Variants in MYRF observed in about 807,000 individuals in gnomAD.
MYRF encodes the protein myelin regulatory factor, also known as myelin gene regulatory factor.
MYRF carries 16 observed loss-of-function variants against 126.3 expected under a neutral mutation model. That is an observed-to-expected ratio of 0.13 (90% confidence interval 0.09 to 0.19). The LOEUF is 0.19. Ranked by LOEUF, MYRF falls within the 10% of genes least tolerant of loss-of-function variation. The pLI is 1.00. For missense variants in MYRF, 1,104 were observed against 1,547.0 expected (o/e 0.71, Z 4.80); for synonymous variants, 608 against 635.3 (o/e 0.96, Z 0.65).
intron 25 of MYRF, 167 bp from the exon 26 acceptor site, chr11:61,785,633 C>A: frequency 1.6e-6 from 1 of 634,346 alleles, no homozygotes; most frequent in Non-Finnish European, 2.9e-6. Context: ...GCTGCCATTG[C>A]TCCTTCTGCC....
chr11:61,763,331 G>T (rs1239017078), intron 1 of MYRF, among the ~76,000 whole-genome samples: 1 of 152,190 alleles, frequency 6.6e-6, no homozygotes, highest in East Asian at 1.9e-4. Context: ...TTTAGAGAGG[G>T]AAAATGCATA....
chr11:61,773,935 C>T (rs145781111), intron 7 of MYRF, 32 bp from the exon 8 acceptor site: 2 of 1,574,834 alleles, frequency 1.3e-6, no homozygotes, highest in South Asian at 2.2e-5. Flanking sequence ...GGCTCTGGGG[C>T]CTCAGGGGAG....
intron 1 of MYRF, among the ~76,000 whole-genome samples, chr11:61,759,539 AG>A (rs1323264485): frequency 6.6e-6 from 1 of 152,136 alleles, no homozygotes; most frequent in Non-Finnish European, 1.5e-5. Flanking sequence ...GCGTGGTGGC[AG>A]GCGCCTGTAG....
intron 3 of MYRF, 146 bp downstream of exon 3, chr11:61,766,367 G>C (rs1221352123): frequency 1.2e-6 from 1 of 868,040 alleles, no homozygotes; most frequent in Non-Finnish European, 1.7e-6. Context: ...TGAGGGAAGG[G>C]AGGATGAGTC....
chr11:61,771,370 GAA>G, intron 5 of MYRF, 128 bp from the exon 6 acceptor site: 1 of 1,277,180 alleles, frequency 7.8e-7, no homozygotes, highest in South Asian at 1.5e-5. Flanking sequence ...AGGGCTTCCT[GAA>G]GGAGGTGTCC....
chr11:61,769,860 C>T (rs1446710710), intron 4 of MYRF, among the ~76,000 whole-genome samples: 1 of 152,158 alleles, frequency 6.6e-6, no homozygotes, highest in African/African-American at 2.4e-5. Context: ...GAGGGACTGC[C>T]TGCCGGAGAG....
rs1158475625 is a variant in MYRF, at chr11:61,786,319, C to T, written c.*176C>T. 4 of 659,496 alleles carry T rather than the reference C, an allele frequency of 6.1e-6. No individual in the cohort carries two copies. The highest frequency in any genetic ancestry group is 1.8e-5 in the African/African-American group (1 of 55,416). The allele number at this position is 659,496 out of a possible 1,614,324, so 40.9% of individuals were successfully genotyped here. A position where few individuals can be genotyped will look rare whatever the true frequency, so the allele number is the denominator to read the frequency against. ...CACTGGAGTTGCTGTTCCAGCTGGT[C>T]GCCCCTCACGGCACAGAGGGAACCT... On this transcript the variant is annotated 3_prime_UTR_variant, in exon 27 of 27. Transcript: ENST00000278836. The surrounding 1 kb of genome is among the most constrained non-coding windows in gnomAD (Gnocchi z 4.5).
At position 61,787,821 on chromosome 11, in the gene MYRF, T is replaced by C. The variant is rs1005663178; in HGVS notation, c.*1678T>C. The C allele has an allele frequency of 1.3e-5, 2 of 152,684 alleles. No individual in the cohort carries two copies. Among genetic ancestry groups the C allele is most frequent in the Non-Finnish European group, 2.9e-5 (2 of 68,054 alleles). The allele number at this position is 152,684 out of a possible 1,614,324, so 9.5% of individuals were successfully genotyped here. On this transcript the variant is annotated 3_prime_UTR_variant, in exon 27 of 27. Transcript: ENST00000278836. ...AACTGCCGAGCCCCACTCCATGTAA[T>C]AGGATTCCTGGGCTTCCTCAATGGG...
At chr11:61,772,355 G>C (rs943959889) in intron 7 of MYRF, among the ~76,000 whole-genome samples, 13 of 152,176 alleles carry the variant, frequency 8.5e-5, no homozygotes, top group Non-Finnish European at 1.6e-4. Flanking sequence ...GAGGCTGCCT[G>C]AGCATTCCTA....
At chr11:61,782,834 T>C (rs2066588884) in intron 22 of MYRF, 1 of 152,392 alleles carries the variant, frequency 6.6e-6, no homozygotes, top group Non-Finnish European at 1.5e-5. Context: ...GTTGGGGTCC[T>C]TGGGTCCCTG....
chr11:61,767,505 G>A (rs2066097919), intron 3 of MYRF: 3 of 449,898 alleles, frequency 6.7e-6, no homozygotes, highest in South Asian at 4.7e-5. Flanking sequence ...GGGACCCAGG[G>A]CCAGACCTGA....
At chr11:61,759,348 G>A (rs1223223719) in intron 1 of MYRF, among the ~76,000 whole-genome samples, 1 of 152,232 alleles carries the variant, frequency 6.6e-6, no homozygotes, top group Non-Finnish European at 1.5e-5. Flanking sequence ...TAGCCCAAGG[G>A]TGGCTAAAGA....
chr11:61,755,425 T>G lies in MYRF; in HGVS notation c.46+2635T>G, dbSNP rs780125154. The stretch of plus-strand genomic sequence containing the variant: ...CAGAGAGGGGACCCACCGGGCAGGA[T>G]GCACTGGCTTCCAGCAGGTAACCGG... On this transcript the variant is annotated intron_variant, in intron 1 of 26. Coordinates refer to ENST00000278836, the MANE Select transcript of MYRF (RefSeq NM_001127392.3). 4 of 1,610,238 alleles carry G rather than the reference T, an allele frequency of 2.5e-6. No homozygotes were observed. In the South Asian group the frequency reaches 4.4e-5, roughly 18 times the overall value.
Position 61,769,256 on chromosome 11 carries a change from G to T in MYRF, c.399-4G>T, listed in dbSNP as rs376809163. 7 of 1,595,470 alleles carry T rather than the reference G, an allele frequency of 4.4e-6. No individual in the cohort carries two copies. In the East Asian group the frequency reaches 9.1e-5, roughly 21 times the overall value. On this transcript the variant is annotated splice_region_variant and splice_polypyrimidine_tract_variant and intron_variant, in intron 3 of 26. Coordinates refer to ENST00000278836, the MANE Select transcript of MYRF (RefSeq NM_001127392.3). ...CCCCCGGCCCCTTCCCCTGGCTCTC[G>T]CAGCACACTGCCGGACTCTCCCCCA...
rs1206899961 is a variant in MYRF at position 61,771,455 on chromosome 11, C to T, written c.741-45C>T. On this transcript the variant is annotated intron_variant, in intron 5 of 26. Transcript: ENST00000278836. The stretch of plus-strand genomic sequence containing the variant: ...GGTGGATACTACCCAGTGGGAGGGG[C>T]TCGGGGAGAGCCAGCCCCCACGGCG... The T allele has an allele frequency of 3.8e-6, 6 of 1,583,206 alleles. No individual in the cohort carries two copies. The Admixed American group carries it at 1.0e-4, about 27-fold the overall frequency.
At position 61,783,812 on chromosome 11, in the gene MYRF, G is replaced by C. The variant is rs400462; in HGVS notation, c.3120-39G>C. ...TCCCTGGTGGGGGTGGGGGGTGGCA[G>C]GGTACCCTCAGGCTAAGGTGCCAGT... On this transcript the variant is annotated intron_variant, in intron 23 of 26. Transcript: ENST00000278836. This position sits in a 1 kb window ranked among gnomAD's most constrained non-coding sequence, Gnocchi z 4.6. 9.6e-6 allele frequency: 15 copies of C among 1,560,096 alleles called. No individual in the cohort carries two copies. The highest frequency in any genetic ancestry group is 1.3e-5 in the Non-Finnish European group (15 of 1,150,256).
rs1371678691 is a variant in MYRF, at chr11:61,766,075, G to A, written c.252G>A (p.Pro84=). 4 of 1,605,050 alleles carry A rather than the reference G, an allele frequency of 2.5e-6. No homozygotes were observed. The South Asian group carries it at 3.3e-5, about 13-fold the overall frequency. The stretch of plus-strand genomic sequence containing the variant: ...GCCCCCCTGGGGGTGGACCCTCCCC[G>A]GGGCGCCATGGTCCCCTCCCACCCC... ...HLSPPGGGPS[P]GRHGPLPPPG... Residue 84 remains proline, a synonymous_variant, in exon 3 of 27, where the codon CCG becomes CCA. Coordinates refer to ENST00000278836, the MANE Select transcript of MYRF (RefSeq NM_001127392.3).
At chr11:61,785,761 G>A (rs376528042) in intron 25 of MYRF, 39 bp from the exon 26 acceptor site, 149 of 1,558,288 alleles carry the variant, frequency 9.6e-5, no homozygotes, top group Middle Eastern at 1.7e-4. Context: ...TGGGATAAGG[G>A]CAGCAGTCTG....
At chr11:61,763,525 C>A (rs980388660) in intron 1 of MYRF, among the ~76,000 whole-genome samples, 3 of 152,228 alleles carry the variant, frequency 2.0e-5, no homozygotes, top group African/African-American at 7.2e-5. Flanking sequence ...GATTGAGTAA[C>A]ACACCGCAGG....
Sources: gnomAD v4.1 joint callset for allele counts (sites outside exome capture counted in the v4.1 genomes callset) on GRCh38, gnomAD v4.1.1 for gene constraint, Gnocchi (gnomAD v3.1) non-coding constraint, MANE v1.5 for transcripts, NCBI Gene and HGNC (gene_info 2026-07-23, HGNC 2026-07-21) for gene names.